CELF2: variants seen among roughly 807,000 people sequenced by gnomAD.
CELF2 encodes CUG triplet repeat RNA-binding protein 2.
A neutral mutation model predicts 62.6 loss-of-function variants in CELF2; 8 were observed. The ratio of observed to expected loss-of-function variants is 0.13; its 90% CI spans 0.07 to 0.23. CELF2 has a LOEUF of 0.23. Among genes scored for constraint, CELF2 ranks in the 10% least tolerant of loss-of-function variants. The pLI is 1.00. For synonymous variants in CELF2, 258 were observed against 250.0 expected (o/e 1.03, Z -0.30); for missense variants, 333 against 671.0 (o/e 0.50, Z 5.56).
At chr10:11,184,717 A>C (rs960516230) in intron 2 of CELF2, among the ~76,000 whole-genome samples, 4 of 152,242 alleles carry the variant, frequency 2.6e-5, no homozygotes, top group African/African-American at 9.6e-5. Context: ...AGCATATAGA[A>C]ATATAATTGA....
intron 1 of CELF2, among the ~76,000 whole-genome samples, chr10:10,837,333 T>C (rs994161478): frequency 3.3e-5 from 5 of 152,232 alleles, no homozygotes; most frequent in African/African-American, 1.2e-4. Flanking sequence ...ATGTAAGACA[T>C]GCCTTTCACC....
Position 10,894,854 on chromosome 10 carries a change from C to T in CELF2, c.54-25110C>T, listed in dbSNP as rs74384310. ...ATGATTTCATACTCTGTTTATAAAC[C>T]GGAAAATGTCTGTCCATTTAAAAAT... On this transcript the variant is annotated intron_variant, in intron 1 of 13. Transcript: ENST00000636488. 2.2e-3 allele frequency among the ~76,000 whole-genome samples: 336 copies of T among 152,206 alleles called. 1 individual carries two copies. Among genetic ancestry groups the T allele is most frequent in the African/African-American group, 7.6e-3 (316 of 41,538 alleles).
intron 1 of CELF2, among the ~76,000 whole-genome samples, chr10:11,121,986 C>A (rs1393142875): frequency 2.0e-5 from 3 of 152,172 alleles, no homozygotes; most frequent in African/African-American, 7.2e-5. Flanking sequence ...CCGCATAGCC[C>A]AGCATGATGG....
At chr10:11,239,994 G>T (rs1021867547) in intron 3 of CELF2, among the ~76,000 whole-genome samples, 8 of 152,216 alleles carry the variant, frequency 5.3e-5, no homozygotes, top group Non-Finnish European at 1.5e-5. Context: ...AGAGGTTGCA[G>T]TGAGCTAACG....
At chr10:10,910,699 C>CAAAAAAAAAAAAGAA (rs2063732463) in intron 1 of CELF2, among the ~76,000 whole-genome samples, 1 of 92,248 alleles carries the variant, frequency 1.1e-5, no homozygotes, top group African/African-American at 3.9e-5. Context: ...GACTCTGCCT[C>CAAAAAAAAAAAAGAA]AAAAAAAAAA....
At chr10:10,927,122 G>C (rs2065557927) in intron 2 of CELF2, 1 of 151,942 alleles carries the variant, frequency 6.6e-6, no homozygotes, top group Non-Finnish European at 1.5e-5. Context: ...ATTTCATCCA[G>C]CTCCATGATT....
At chr10:10,657,871 C>T in the CELF2 span, among the ~76,000 whole-genome samples, 1 of 152,006 alleles carries the variant, frequency 6.6e-6, no homozygotes, top group African/African-American at 2.4e-5. Flanking sequence ...TAATAATCAC[C>T]AAGAAGTACA....
chr10:11,067,427 A>G (rs1245064861), intron 1 of CELF2, among the ~76,000 whole-genome samples: 11 of 152,220 alleles, frequency 7.2e-5, no homozygotes, highest in African/African-American at 2.7e-4. Context: ...TCTGTAGCAC[A>G]CTGCTCTTAT....
At chr10:10,734,391 G>A in the CELF2 span, among the ~76,000 whole-genome samples, 104 of 152,244 alleles carry the variant, frequency 6.8e-4, no homozygotes, top group African/African-American at 2.1e-3. Context: ...TTCATATCCC[G>A]TTTTCTCTCC....
the CELF2 span, among the ~76,000 whole-genome samples, chr10:10,505,699 A>G: frequency 2.0e-5 from 3 of 152,178 alleles, no homozygotes; most frequent in Non-Finnish European, 4.4e-5. Context: ...TATGAGTATG[A>G]CTGAAGTCAT....
chr10:10,598,747 C>CTTTTTTTTTTTTTTTTTT, the CELF2 span, among the ~76,000 whole-genome samples: 2 of 73,170 alleles, frequency 2.7e-5, no homozygotes, highest in Admixed American at 2.7e-4. Flanking sequence ...TTTTCTTTTT[C>CTTTTTTTTTTTTTTTTTT]TTTCTTTTTT....
chr10:10,937,422 G>C (rs2046548188), intron 2 of CELF2: 1 of 152,114 alleles, frequency 6.6e-6, no homozygotes, highest in African/African-American at 2.4e-5. Context: ...GAGCCACCGT[G>C]CCTGGCCAAT....
chr10:10,868,084 T>A (rs536686485), intron 1 of CELF2, among the ~76,000 whole-genome samples: 2 of 152,208 alleles, frequency 1.3e-5, no homozygotes, highest in Non-Finnish European at 2.9e-5. Flanking sequence ...AATTCCTAGA[T>A]CAGTGTTTTG....
In CELF2 at chr10:11,300,420, C is replaced by A. The variant is rs762009776; in HGVS notation, c.976+11868C>A. 4.6e-5 allele frequency among the ~76,000 whole-genome samples: 7 copies of A among 152,194 alleles called. No homozygotes were observed. Among genetic ancestry groups the A allele is most frequent in the Non-Finnish European group, 7.3e-5 (5 of 68,034 alleles). On this transcript the variant is annotated intron_variant, in intron 9 of 12. Coordinates refer to ENST00000633077, the MANE Select transcript of CELF2 (RefSeq NM_001326342.2). This position sits in a 1 kb window ranked among gnomAD's most constrained non-coding sequence, Gnocchi z 5.5. ...CTTCCTTGGGAAGCAGAACTGGCAG[C>A]AGAAGAGAGGGGCACCAATGTCTCT...
At chr10:10,559,059 A>C in the CELF2 span, among the ~76,000 whole-genome samples, 144 of 152,246 alleles carry the variant, frequency 9.5e-4, no homozygotes, top group African/African-American at 3.4e-3. Flanking sequence ...TATTTCTTTT[A>C]AATGTTTTAT....
At chr10:10,910,625 G>A (rs1055118859) in intron 1 of CELF2, among the ~76,000 whole-genome samples, 2 of 149,760 alleles carry the variant, frequency 1.3e-5, no homozygotes, top group African/African-American at 4.9e-5. Flanking sequence ...GCTTGAACCT[G>A]GGAGGCAGAG....
chr10:11,154,116 T>C (rs978244076), intron 1 of CELF2, among the ~76,000 whole-genome samples: 7 of 152,354 alleles, frequency 4.6e-5, no homozygotes, highest in African/African-American at 1.7e-4. Flanking sequence ...ATGGGGAGTT[T>C]TGATGTAATG....
chr10:10,719,719 G>A, the CELF2 span, among the ~76,000 whole-genome samples: 4 of 152,178 alleles, frequency 2.6e-5, no homozygotes, highest in South Asian at 8.3e-4. Context: ...ACCTCTCTGT[G>A]CCTCATCTAA....
chr10:11,195,697 A>G (rs1342471589), intron 2 of CELF2, among the ~76,000 whole-genome samples: 3 of 152,150 alleles, frequency 2.0e-5, no homozygotes, highest in Non-Finnish European at 2.9e-5. Context: ...TGGAGAAGGG[A>G]AAAGGAGAGT....
Sources: gnomAD v4.1 joint callset for allele counts (sites outside exome capture counted in the v4.1 genomes callset) on GRCh38, gnomAD v4.1.1 for gene constraint, Gnocchi (gnomAD v3.1) non-coding constraint, MANE v1.5 for transcripts, NCBI Gene and HGNC (gene_info 2026-07-23, HGNC 2026-07-21) for gene names.